The following ADGRG2 variants were observed in gnomAD, a reference collection of about 807,000 sequenced individuals.
ADGRG2 encodes the protein adhesion G protein-coupled receptor G2, also known as G protein-coupled receptor 64.
ADGRG2 carries 26 observed loss-of-function variants against 74.1 expected under a neutral mutation model. That is an observed-to-expected ratio of 0.35 (90% CI 0.26 to 0.49). ADGRG2 has a LOEUF of 0.49. Among genes scored for constraint, ADGRG2 ranks in the 20% least tolerant of loss-of-function variants. The pLI is 0.99. For synonymous variants in ADGRG2, 296 were observed against 295.2 expected (o/e 1.00, Z -0.03); for missense variants, 619 against 763.1 (o/e 0.81, Z 2.22).
At chrX:19,078,740 C>T (rs1305971902) in intron 2 of ADGRG2, among the ~76,000 whole-genome samples, 1 of 105,483 alleles carries the variant, frequency 9.5e-6, no homozygotes, top group African/African-American at 3.5e-5. Flanking sequence ...TGAAAAAGTA[C>T]AGCAAAATAA....
At position 19,059,798 on chromosome X, in the gene ADGRG2, A is replaced by G. The variant is rs771505986; in HGVS notation, c.118+8919T>C. Among the ~76,000 whole-genome samples, 101 of 109,779 alleles carry G rather than the reference A, an allele frequency of 9.2e-4. 1 individual carries two copies. The highest frequency in any genetic ancestry group is 1.7e-3 in the Non-Finnish European group (88 of 52,594). ...AGTACCAGTACTATGTAGTAGTACT[A>G]AAGAATCTGTCTTAGTATACACAGT... On this transcript the variant is annotated intron_variant, in intron 3 of 28. Transcript: ENST00000379869.
chrX:19,068,524 T>C (rs1263642099), intron 3 of ADGRG2, among the ~76,000 whole-genome samples, 193 bp downstream of exon 3: 1 of 111,348 alleles, frequency 9.0e-6, no homozygotes, highest in Non-Finnish European at 1.9e-5. Context: ...ATGAAAACGT[T>C]TTAGAAATGG....
At position 18,994,522 on chromosome X, in the gene ADGRG2, A is replaced by G. The variant is rs576055988; in HGVS notation, c.2869+374T>C. Among the ~76,000 whole-genome samples, 5 of 111,641 alleles carry G rather than the reference A, an allele frequency of 4.5e-5. No homozygotes were observed. The East Asian group carries it at 1.4e-3, about 31-fold the overall frequency. On this transcript the variant is annotated intron_variant, in intron 28 of 28. Transcript: ENST00000379869. Reference sequence around the variant, plus strand: ...CAAAAAAAAAAAATGTTGAACATGTATATTATGATAGATGTAATAAAAATT... The same window carrying G: ...CAAAAAAAAAAAATGTTGAACATGTGTATTATGATAGATGTAATAAAAATT...
At chrX:19,033,843 G>T in intron 7 of ADGRG2, 189 bp from the exon 8 acceptor site, 1 of 322,830 alleles carries the variant, frequency 3.1e-6, no homozygotes. Context: ...CATTGGCACA[G>T]GGTGAGTCTG....
At chrX:19,046,846 G>A (rs192313282) in intron 3 of ADGRG2, among the ~76,000 whole-genome samples, 17 of 111,545 alleles carry the variant, frequency 1.5e-4, no homozygotes, top group African/African-American at 5.2e-4. Flanking sequence ...AACCGAGAGA[G>A]GGGGAGAAAT....
intron 18 of ADGRG2, 53 bp from the exon 19 acceptor site, chrX:19,008,176 T>C: frequency 1.1e-6 from 1 of 907,978 alleles, no homozygotes; most frequent in Non-Finnish European, 1.5e-6. Context: ...TATAATGAGA[T>C]GGAAAACACA....
chrX:19,063,343 C>T (rs2061516442), intron 3 of ADGRG2, among the ~76,000 whole-genome samples: 1 of 111,939 alleles, frequency 8.9e-6, no homozygotes. Context: ...TAGCCCTGCA[C>T]CTCAGTGACA....
intron 1 of ADGRG2, among the ~76,000 whole-genome samples, chrX:19,097,128 C>A (rs1245517102): frequency 8.9e-6 from 1 of 112,458 alleles, no homozygotes; most frequent in East Asian, 2.8e-4. Context: ...CTTTCCGCTC[C>A]CACTTGATCA....
chrX:19,085,066 C>T (rs1265943129), intron 1 of ADGRG2, among the ~76,000 whole-genome samples: 2 of 111,938 alleles, frequency 1.8e-5, no homozygotes, highest in Admixed American at 9.5e-5. Flanking sequence ...GAAATACTGA[C>T]CCATAGATAC....
At chrX:19,060,844 G>A (rs146842271) in intron 3 of ADGRG2, among the ~76,000 whole-genome samples, 4,251 of 111,358 alleles carry the variant, frequency 0.038, 198 homozygotes, top group African/African-American at 0.13. Context: ...CACCACACCC[G>A]GCCGAGGCAG....
intron 1 of ADGRG2, among the ~76,000 whole-genome samples, chrX:19,108,015 G>A (rs1442465488): frequency 1.9e-5 from 2 of 104,766 alleles, no homozygotes; most frequent in Admixed American, 2.1e-4. Context: ...TAGGAGAATC[G>A]CTCCGGGAGG....
At chrX:19,075,617 CAAAAAAAAAAA>C (rs61690480) in intron 2 of ADGRG2, among the ~76,000 whole-genome samples, 15 of 39,447 alleles carry the variant, frequency 3.8e-4, no homozygotes, top group African/African-American at 1.1e-3. Context: ...GACTTCGCCT[CAAAAAAAAAAA>C]AAAAAAAAAA....
chrX:19,101,563 T>C (rs1208537665), intron 1 of ADGRG2, among the ~76,000 whole-genome samples: 2 of 109,578 alleles, frequency 1.8e-5, no homozygotes, highest in Admixed American at 2.0e-4. Context: ...TAGCCGACCC[T>C]AGTGGTGTGC....
chrX:19,074,250 TA>T (rs1159648345), intron 2 of ADGRG2, among the ~76,000 whole-genome samples: 1 of 106,804 alleles, frequency 9.4e-6, no homozygotes, highest in Admixed American at 1.0e-4. Flanking sequence ...ATTAATTATT[TA>T]TTTTTTGAGA....
chrX:19,099,106 C>T (rs1355151072), intron 1 of ADGRG2, among the ~76,000 whole-genome samples: 1 of 111,333 alleles, frequency 9.0e-6, no homozygotes, highest in Non-Finnish European at 1.9e-5. Flanking sequence ...ACTGCTTGAA[C>T]CCAGGAGGTG....
At chrX:19,087,988 G>T (rs910069100) in intron 1 of ADGRG2, among the ~76,000 whole-genome samples, 1 of 110,649 alleles carries the variant, frequency 9.0e-6, no homozygotes, top group Admixed American at 9.7e-5. Context: ...GAGTATCAAA[G>T]ACCACATGGT....
rs751966668 is a variant in ADGRG2, at chrX:18,999,206, C to T, written c.2404G>A (p.Val802Ile). Residue 802 changes from valine to isoleucine, a missense_variant, in exon 26 of 29, where the codon GTC becomes ATC. Physicochemically the swap from Val to Ile is conservative, Grantham distance 29. Transcript: ENST00000379869. ...ACCAGGACCACAATGAACATGCTGA[C>T]GTTCAGCAAAAATATCACACAGAAA... ...GYFCVIFLLN[V>I]SMFIVVLVQL... The T allele has an allele frequency of 1.6e-5, 19 of 1,201,850 alleles. No homozygotes were observed. The highest frequency in any genetic ancestry group is 3.0e-5 in the East Asian group (1 of 33,721).
Position 19,001,627 on chromosome X carries a change from G to A in ADGRG2, c.2230+1219C>T, listed in dbSNP as rs765678812. On this transcript the variant is annotated intron_variant, in intron 24 of 28. Coordinates refer to ENST00000379869, the MANE Select transcript of ADGRG2 (RefSeq NM_001079858.3). ...AGAATCCGTGCCCAGTATCTGGAGC[G>A]TTGACTTATGTTTCTGGGACAAACA... Among the ~76,000 whole-genome samples the A allele has an allele frequency of 1.1e-4, 12 of 111,881 alleles. No homozygotes were observed. In the East Asian group the frequency reaches 2.8e-3, roughly 26 times the overall value.
chrX:19,089,060 C>T (rs1215746678), intron 1 of ADGRG2, among the ~76,000 whole-genome samples: 1 of 112,025 alleles, frequency 8.9e-6, no homozygotes, highest in Non-Finnish European at 1.9e-5. Context: ...TGTTATTATT[C>T]TCACTGGAAA....
Sources: allele counts gnomAD v4.1 joint callset (sites outside exome capture counted in the v4.1 genomes callset), GRCh38; gene constraint gnomAD v4.1.1; transcripts MANE v1.5; gene names NCBI Gene and HGNC (gene_info 2026-07-23, HGNC 2026-07-21).